Variants in PPIG observed in about 807,000 individuals in gnomAD.
PPIG encodes the protein peptidylprolyl isomerase G, also known as peptidyl-prolyl cis-trans isomerase G.
In PPIG, 26 loss-of-function variants were observed where a neutral mutation model predicts 87.9. The ratio of observed to expected loss-of-function variants is 0.30; its 90% CI spans 0.22 to 0.41. The LOEUF is 0.41. Among genes scored for constraint, PPIG ranks in the 10% least tolerant of loss-of-function variants. PPIG has a pLI of 1.00. For synonymous variants in PPIG, 308 were observed against 276.5 expected, an observed-to-expected ratio of 1.11 and a Z score of -1.13; for missense variants, 722 against 879.4, an observed-to-expected ratio of 0.82 and a Z score of 2.26.
intron 1 of PPIG, 179 bp downstream of exon 1, chr2:169,584,669 G>A: frequency 2.7e-6 from 1 of 364,152 alleles, no homozygotes; most frequent in Non-Finnish European, 5.3e-6. Flanking sequence ...GAGGACCGCA[G>A]CAGTGCCTTT....
In PPIG at chr2:169,630,799, T is replaced by C; in HGVS notation, c.573T>C (p.His191=). The C allele has an allele frequency of 6.2e-7, 1 of 1,606,910 alleles. No individual in the cohort carries two copies. The highest frequency in any genetic ancestry group is 1.3e-5 in the African/African-American group (1 of 74,536). The change falls in exon 10 of 14, where the codon CAT becomes CAC. Residue 191 remains histidine, a synonymous_variant. Coordinates refer to ENST00000260970, the MANE Select transcript of PPIG (RefSeq NM_004792.3). ...TTAAGAAAGAAGAAAAGAAAAGGCATAAATCATCATCATCTTCCTCCTCCT... is the reference window on the plus strand; with the variant it reads ...TTAAGAAAGAAGAAAAGAAAAGGCACAAATCATCATCATCTTCCTCCTCCT... ...SKVKKEEKKR[H]KSSSSSSSSS...
intron 9 of PPIG, among the ~76,000 whole-genome samples, chr2:169,630,123 T>C (rs1260590695): frequency 6.9e-6 from 1 of 144,990 alleles, no homozygotes; most frequent in African/African-American, 2.6e-5. Context: ...TTATATTAAT[T>C]GATCCTTTAA....
intron 9 of PPIG, among the ~76,000 whole-genome samples, chr2:169,618,641 A>G (rs1210019933): frequency 6.6e-6 from 1 of 152,188 alleles, no homozygotes; most frequent in Admixed American, 6.5e-5. Flanking sequence ...GTATTTGTGT[A>G]GAGGTGTTCA....
At chr2:169,633,446 T>C (rs939111796) in intron 12 of PPIG, 199 bp downstream of exon 12, 6 of 557,198 alleles carry the variant, frequency 1.1e-5, no homozygotes, top group African/African-American at 5.9e-5. Context: ...GAGATATGAA[T>C]AGATTTTACA....
chr2:169,637,377 A>G lies in PPIG; in HGVS notation c.2119A>G (p.Lys707Glu). 6.2e-7 allele frequency: 1 copy of G among 1,612,284 alleles called. No individual in the cohort carries two copies. The highest frequency in any genetic ancestry group is 8.5e-7 in the Non-Finnish European group (1 of 1,179,636). ...CAATGAATTAAAGTCCTCCATGTTG[A>G]AAAATAAGGAGGATGAGAAGATCAG... ...QDNELKSSML[K>E]NKEDEKIRSS... Residue 707 changes from lysine (K) to glutamate (E), a missense_variant, in exon 14 of 14, where the codon AAA (lysine) becomes GAA (glutamate). Physicochemically the swap from Lys to Glu is moderately conservative, Grantham distance 56 (BLOSUM62 1). Around this residue, in one of 4 missense-constraint regions of PPIG, gnomAD observed 476 missense variants for 483.1 expected, o/e 0.99. Coordinates refer to ENST00000260970, the MANE Select transcript of PPIG (RefSeq NM_004792.3).
chr2:169,610,305 A>G (rs1468617530), intron 7 of PPIG, among the ~76,000 whole-genome samples: 1 of 152,158 alleles, frequency 6.6e-6, no homozygotes, highest in East Asian at 1.9e-4. Flanking sequence ...AGAGTTCACT[A>G]TTTCTTTATC....
At chr2:169,595,633 C>G (rs1419726574) in intron 1 of PPIG, among the ~76,000 whole-genome samples, 18 of 152,144 alleles carry the variant, frequency 1.2e-4, no homozygotes, top group Admixed American at 1.2e-3. Context: ...AAATTTTTAG[C>G]TCCCACAAAT....
At chr2:169,636,017 C>A in intron 12 of PPIG, 75 bp from the exon 13 acceptor site, 1 of 1,159,680 alleles carries the variant, frequency 8.6e-7, no homozygotes. Flanking sequence ...CCCAGTACTT[C>A]CCTCCCTCCC....
chr2:169,588,523 T>C (rs1248188040), intron 1 of PPIG, among the ~76,000 whole-genome samples: 1 of 152,222 alleles, frequency 6.6e-6, no homozygotes, highest in African/African-American at 2.4e-5. Context: ...TCCTTGAAAC[T>C]CCAAATGTTC....
intron 1 of PPIG, among the ~76,000 whole-genome samples, chr2:169,600,078 A>T (rs1281167991): frequency 4.2e-5 from 6 of 142,316 alleles, no homozygotes; most frequent in Admixed American, 2.9e-4. Flanking sequence ...GGAAAAAAAA[A>T]TTTTTTTTTT....
At chr2:169,589,523 T>A (rs1260282789) in intron 1 of PPIG, among the ~76,000 whole-genome samples, 1 of 152,238 alleles carries the variant, frequency 6.6e-6, no homozygotes, top group Non-Finnish European at 1.5e-5. Flanking sequence ...TTTAATTAAT[T>A]TAACTTACAT....
At chr2:169,601,289 C>T (rs904373464) in intron 1 of PPIG, among the ~76,000 whole-genome samples, 10 of 152,182 alleles carry the variant, frequency 6.6e-5, no homozygotes, top group Non-Finnish European at 1.3e-4. Context: ...TATCCTCTCA[C>T]ATTTATTCAT....
chr2:169,602,396 A>G (rs945193825), intron 1 of PPIG, among the ~76,000 whole-genome samples: 1 of 151,922 alleles, frequency 6.6e-6, no homozygotes, highest in Admixed American at 6.6e-5. Context: ...GCTCACTGCA[A>G]CCTCTACCTC....
At chr2:169,598,570 C>T (rs183832420) in intron 1 of PPIG, among the ~76,000 whole-genome samples, 1 of 152,226 alleles carries the variant, frequency 6.6e-6, no homozygotes, top group Non-Finnish European at 1.5e-5. Context: ...GGATTACAGG[C>T]ATGAGCCACC....
chr2:169,591,648 A>G (rs1684864987), intron 1 of PPIG, among the ~76,000 whole-genome samples: 1 of 152,138 alleles, frequency 6.6e-6, no homozygotes, highest in East Asian at 1.9e-4. Context: ...CATGAGGTCA[A>G]GTAGACAATA....
At chr2:169,635,256 A>G (rs1686151998) in intron 12 of PPIG, among the ~76,000 whole-genome samples, 1 of 152,272 alleles carries the variant, frequency 6.6e-6, no homozygotes, top group Admixed American at 6.5e-5. Flanking sequence ...TAAATCCAAA[A>G]TAACTACAAT....
At position 169,614,582 on chromosome 2, in the gene PPIG, T is replaced by C. The variant is rs1471726476; in HGVS notation, c.408-3T>C. ...TTTAATAATTTTTTACTTGACACTT[T>C]AGGCATCATGTTGTTTTTGGACAAG... On this transcript the variant is annotated splice_region_variant and splice_polypyrimidine_tract_variant and intron_variant, in intron 8 of 13. Transcript: ENST00000260970. The C allele has an allele frequency of 9.4e-6, 15 of 1,599,314 alleles. No homozygotes were observed. The highest frequency in any genetic ancestry group is 1.2e-5 in the South Asian group (1 of 86,802).
chr2:169,602,196 C>G (rs1007149572), intron 1 of PPIG, among the ~76,000 whole-genome samples: 1 of 149,600 alleles, frequency 6.7e-6, no homozygotes, highest in African/African-American at 2.4e-5. Flanking sequence ...CCCAGGATAT[C>G]TCGTGTATGA....
At chr2:169,630,693 A>C in intron 9 of PPIG, 81 bp from the exon 10 acceptor site, 1 of 1,195,648 alleles carries the variant, frequency 8.4e-7, no homozygotes, top group Admixed American at 2.1e-5. Flanking sequence ...GAACTTAGTG[A>C]GAATCTGCAG....
Sources: allele counts gnomAD v4.1 joint callset (sites outside exome capture counted in the v4.1 genomes callset), GRCh38; gene constraint gnomAD v4.1.1; regional missense constraint gnomAD v4.1.1; transcripts MANE v1.5; gene names NCBI Gene and HGNC (gene_info 2026-07-23, HGNC 2026-07-21).